Variants in HMCN2 observed in about 807,000 individuals in gnomAD.
The protein encoded by HMCN2 is hemicentin 2.
HMCN2 carries 325 observed loss-of-function variants against 377.5 expected under a neutral mutation model. That is an observed-to-expected ratio of 0.86 (90% confidence interval 0.79 to 0.94). The LOEUF (loss-of-function observed/expected upper bound fraction) is 0.94. HMCN2 is among the 40% of genes least tolerant of loss of function. The pLI is 0.00. For synonymous variants in HMCN2, 2,007 were observed against 2,046.8 expected (o/e 0.98, Z 0.53); for missense variants, 4,543 against 4,725.3 (o/e 0.96, Z 1.13).
Position 130,403,813 on chromosome 9 carries a change from A to C in HMCN2, c.12086A>C (p.Tyr4029Ser). The change falls in exon 80 of 98, where the codon TAT becomes TCT. Residue 4029 changes from tyrosine to serine, a missense_variant. By Grantham distance (144) the Tyr-to-Ser change is moderately radical. Transcript: ENST00000683500. ...GCCAGCCCAGAGGATGCTGGAAACT[A>C]TCTCTGCATCGCTAAGAACAGTGCG... is the stretch of plus-strand genomic sequence containing the variant. ...AHASPEDAGN[Y>S]LCIAKNSAGS... 5.4e-6 allele frequency: 7 copies of C among 1,289,778 alleles called. No homozygotes were observed. The highest frequency in any genetic ancestry group is 5.5e-5 in the East Asian group (1 of 18,022). 79.9% of individuals were successfully genotyped at this position (1,289,778 alleles called of 1,614,324 possible). A position where few individuals can be genotyped will look rare whatever the true frequency, so the allele number is the denominator to read the frequency against.
In HMCN2 at chr9:130,376,711, G is replaced by A. The variant is rs186522447; in HGVS notation, c.8061+53G>A. On this transcript the variant is annotated intron_variant, in intron 52 of 97. Coordinates refer to ENST00000683500, the MANE Select transcript of HMCN2 (RefSeq NM_001291815.2). ...CTGGCTCTCACCTCTGCTTCCGGCT[G>A]GTTCTGCTTGGAACCTTCCAGAAAA... The A allele has an allele frequency of 1.9e-4, 189 of 980,412 alleles. No individual in the cohort carries two copies. In the African/African-American group the frequency reaches 2.6e-3, roughly 14 times the overall value. The allele number at this position is 980,412 out of a possible 1,614,324, so 60.7% of individuals were successfully genotyped here.
intron 85 of HMCN2, among the ~76,000 whole-genome samples, chr9:130,416,028 T>A (rs1588426831): frequency 6.6e-6 from 1 of 151,800 alleles, no homozygotes; most frequent in East Asian, 1.9e-4. Flanking sequence ...CACGGTGGGG[T>A]AGGGATGGGC....
chr9:130,312,740 A>G (rs1041068101), intron 15 of HMCN2, among the ~76,000 whole-genome samples: 4 of 148,964 alleles, frequency 2.7e-5, no homozygotes, highest in Admixed American at 2.0e-4. Flanking sequence ...ATCTCGGCTC[A>G]CTGCAACCTC....
intron 34 of HMCN2, among the ~76,000 whole-genome samples, chr9:130,357,108 G>A (rs1462761619): frequency 6.7e-6 from 1 of 149,136 alleles, no homozygotes; most frequent in Non-Finnish European, 1.5e-5. Context: ...AAAGGTGGAT[G>A]GATGGGTAGA....
At chr9:130,417,229 AAG>A (rs1843741905) in intron 85 of HMCN2, among the ~76,000 whole-genome samples, 1 of 152,122 alleles carries the variant, frequency 6.6e-6, no homozygotes, top group Non-Finnish European at 1.5e-5. Context: ...ATTGTTATAA[AAG>A]AGAGCCGGGG....
At chr9:130,284,386 G>A (rs1477749526) in intron 1 of HMCN2, among the ~76,000 whole-genome samples, 4 of 152,150 alleles carry the variant, frequency 2.6e-5, no homozygotes, top group Admixed American at 6.5e-5. Flanking sequence ...CCTGGAGCTC[G>A]GGTCCTGCTT....
At chr9:130,367,418 G>A (rs1472065769) in intron 43 of HMCN2, among the ~76,000 whole-genome samples, 4 of 152,098 alleles carry the variant, frequency 2.6e-5, no homozygotes, top group East Asian at 1.9e-4. Flanking sequence ...TGGGACATGC[G>A]TTGAGTCATG....
intron 80 of HMCN2, 64 bp downstream of exon 80, chr9:130,403,939 C>G: frequency 4.8e-6 from 6 of 1,238,278 alleles, no homozygotes; most frequent in Non-Finnish European, 6.3e-6. Flanking sequence ...CTTCTGCAAG[C>G]TTCTCCCTTC....
chr9:130,385,522 C>T, intron 59 of HMCN2, 38 bp from the exon 60 acceptor site: 1 of 1,268,142 alleles, frequency 7.9e-7, no homozygotes, highest in Non-Finnish European at 1.0e-6. Flanking sequence ...GGCGCAGGGA[C>T]AGCTGCAGCA....
intron 44 of HMCN2, 115 bp downstream of exon 44, chr9:130,368,552 C>A: frequency 2.1e-6 from 1 of 469,862 alleles, no homozygotes; most frequent in Non-Finnish European, 2.8e-6. Flanking sequence ...CAGGCTTTCT[C>A]CTCCCTCACG....
intron 19 of HMCN2, among the ~76,000 whole-genome samples, chr9:130,324,947 T>C (rs1642212588): frequency 6.6e-6 from 1 of 151,480 alleles, no homozygotes; most frequent in East Asian, 1.9e-4. Flanking sequence ...TTTTGTGGGT[T>C]TGGACAAATG....
chr9:130,395,645 C>G (rs1842571976), intron 71 of HMCN2, among the ~76,000 whole-genome samples: 1 of 152,216 alleles, frequency 6.6e-6, no homozygotes, highest in African/African-American at 2.4e-5. Flanking sequence ...GACCAAGGCT[C>G]TCCGTGCCCA....
rs916526487 is a variant in HMCN2, at chr9:130,428,481, G to A, written c.14189G>A (p.Gly4730Asp). The A allele has an allele frequency of 1.9e-6, 3 of 1,540,776 alleles. No homozygotes were observed. The highest frequency in any genetic ancestry group is 3.9e-5 in the Admixed American group (2 of 50,992). Residue 4730 changes from glycine to aspartate, a missense_variant, in exon 93 of 98, where the codon GGC becomes GAC. Around this residue, in one of 5 missense-constraint regions of HMCN2, gnomAD observed 1,155 missense variants for 1,157.7 expected, o/e 1.00. Coordinates refer to ENST00000683500, the MANE Select transcript of HMCN2 (RefSeq NM_001291815.2). This position sits in a 1 kb window ranked among gnomAD's most constrained non-coding sequence, Gnocchi z 5.0. ...GGCTTCCGGGTGGCTGATGGGGCCG[G>A]CTGTGAAGGTGATGGGGGCACAGCA... is the stretch of plus-strand genomic sequence containing the variant. ...GPGFRVADGA[G>D]CEDVDECLEG...
intron 1 of HMCN2, among the ~76,000 whole-genome samples, chr9:130,271,336 G>A (rs1834395383): frequency 1.3e-5 from 2 of 148,814 alleles, no homozygotes; most frequent in South Asian, 4.4e-4. Context: ...GTCCTTGGTG[G>A]GGGAGTATCT....
rs1481306760 is a variant in HMCN2 at position 130,319,475 on chromosome 9, G to C, written c.2351-20G>C. On this transcript the variant is annotated intron_variant, in intron 15 of 97. Coordinates refer to ENST00000683500, the MANE Select transcript of HMCN2 (RefSeq NM_001291815.2). ...GCAGGTCCAGCCTCCGGGCATGGTT[G>C]ACTGGTCACCTCCCTGCAGATGCGC... 5 of 152,320 alleles carry C rather than the reference G, an allele frequency of 3.3e-5. No individual in the cohort carries two copies. The highest frequency in any genetic ancestry group is 1.2e-4 in the African/African-American group (5 of 41,444). The allele number at this position is 152,320 out of a possible 1,614,324, so 9.4% of individuals were successfully genotyped here.
At chr9:130,328,239 G>C (rs1838251058) in intron 22 of HMCN2, among the ~76,000 whole-genome samples, 1 of 152,190 alleles carries the variant, frequency 6.6e-6, no homozygotes, top group African/African-American at 2.4e-5. Flanking sequence ...CGGGGACCCA[G>C]GGAGCCGGCC....
At chr9:130,376,686 C>T in intron 52 of HMCN2, 28 bp downstream of exon 52, 1 of 985,674 alleles carries the variant, frequency 1.0e-6, no homozygotes, top group Non-Finnish European at 1.2e-6. Context: ...TGCGCAGCTT[C>T]TGGCTCTCAC....
At chr9:130,348,816 AGTGGAGGATAGTG>A (rs557205614) in intron 27 of HMCN2, 141 bp downstream of exon 27, 2 of 1,223,652 alleles carry the variant, frequency 1.6e-6, no homozygotes, top group South Asian at 2.8e-5. Flanking sequence ...GGTTCACGGC[AGTGGAGGATAGTG>A]GTCATGTAGT....
chr9:130,320,603 A>T (rs1256758425), intron 17 of HMCN2, among the ~76,000 whole-genome samples, 152 bp downstream of exon 17: 1 of 152,122 alleles, frequency 6.6e-6, no homozygotes. Context: ...CAAGAGCAGC[A>T]CCTGTGCCCC....
Sources: gnomAD v4.1 joint callset for allele counts (sites outside exome capture counted in the v4.1 genomes callset) on GRCh38, gnomAD v4.1.1 for gene constraint, gnomAD v4.1.1 regional missense constraint, Gnocchi (gnomAD v3.1) non-coding constraint, MANE v1.5 for transcripts, NCBI Gene and HGNC (gene_info 2026-07-23, HGNC 2026-07-21) for gene names.